The following HTR2C variants were observed in gnomAD, a reference collection of about 807,000 sequenced individuals.
HTR2C encodes 5-hydroxytryptamine receptor 2C.
In HTR2C, 5 loss-of-function variants were observed where a neutral mutation model predicts 21.0. The ratio of observed to expected loss-of-function variants is 0.24; its 90% CI spans 0.12 to 0.50. HTR2C has a LOEUF of 0.50. Among genes scored for constraint, HTR2C ranks in the 20% least tolerant of loss-of-function variants. The pLI, the probability that HTR2C is intolerant of heterozygous loss-of-function variation, is 0.98. For missense variants in HTR2C, 271 were observed against 371.2 expected, an observed-to-expected ratio of 0.73 and a Z score of 2.22; for synonymous variants, 150 against 145.3, an observed-to-expected ratio of 1.03 and a Z score of -0.23.
At chrX:114,738,602 A>C (rs1250349556) in intron 4 of HTR2C, among the ~76,000 whole-genome samples, 1 of 110,223 alleles carries the variant, frequency 9.1e-6, no homozygotes, top group Non-Finnish European at 1.9e-5. Flanking sequence ...ACACATGGAC[A>C]CAGGGAGGGG....
At chrX:114,655,298 C>T (rs1930740740) in intron 2 of HTR2C, among the ~76,000 whole-genome samples, 1 of 111,054 alleles carries the variant, frequency 9.0e-6, no homozygotes, top group South Asian at 3.7e-4. Flanking sequence ...TGGGATCAGA[C>T]CAAGTTACCA....
intron 2 of HTR2C, among the ~76,000 whole-genome samples, chrX:114,644,358 AATAAATATATAT>A (rs1190190163): frequency 6.1e-4 from 10 of 16,513 alleles, no homozygotes; most frequent in South Asian, 5.2e-3. Context: ...TAAATAAATA[AATAAATATATAT>A]ATATATATAT....
chrX:114,617,995 A>G (rs371529664), intron 2 of HTR2C, among the ~76,000 whole-genome samples: 1 of 112,124 alleles, frequency 8.9e-6, no homozygotes, highest in East Asian at 2.8e-4. Context: ...GCACAGGAAA[A>G]CCTGAACTTT....
intron 2 of HTR2C, among the ~76,000 whole-genome samples, chrX:114,646,480 T>G (rs1930364755): frequency 8.9e-6 from 1 of 112,544 alleles, no homozygotes; most frequent in African/African-American, 3.2e-5. Context: ...TTCTAAGATA[T>G]ATATGTTGCT....
intron 5 of HTR2C, among the ~76,000 whole-genome samples, chrX:114,903,389 C>T (rs1556485775): frequency 8.9e-6 from 1 of 112,474 alleles, no homozygotes; most frequent in Non-Finnish European, 1.9e-5. Flanking sequence ...TGAGATAATA[C>T]ATTCTACATC....
At position 114,731,382 on chromosome X, in the gene HTR2C, G is replaced by C. The variant is rs143566182; in HGVS notation, c.124G>C (p.Asp42His). The change falls in exon 4 of 6, where the codon GAT (aspartate) becomes CAT (histidine). Residue 42 changes from aspartate (D) to histidine (H), a missense_variant. By Grantham distance (81) the Asp-to-His change is moderately conservative. Coordinates refer to ENST00000276198, the MANE Select transcript of HTR2C (RefSeq NM_000868.4). ...AIVTDIFNTS[D>H]GGRFKFPDGV... is the part of the protein sequence containing the mutation. ...AGTAACTGACATTTTCAATACCTCC[G>C]ATGGTGGACGCTTCAAATTCCCAGA... is the stretch of plus-strand genomic sequence containing the variant. 1.5e-4 allele frequency: 180 copies of C among 1,202,185 alleles called. No homozygotes were observed. The African/African-American group carries it at 3.0e-3, about 20-fold the overall frequency.
chrX:114,665,203 A>G (rs1333313424), intron 2 of HTR2C, among the ~76,000 whole-genome samples: 3 of 111,933 alleles, frequency 2.7e-5, no homozygotes, highest in African/African-American at 9.7e-5. Context: ...CCTCCTTATT[A>G]CACTGACTCA....
At chrX:114,844,495 T>A (rs2070859607) in intron 4 of HTR2C, among the ~76,000 whole-genome samples, 1 of 111,894 alleles carries the variant, frequency 8.9e-6, no homozygotes, top group Non-Finnish European at 1.9e-5. Context: ...GATAAAATGG[T>A]GCAAGTGTCT....
intron 5 of HTR2C, 127 bp downstream of exon 5, chrX:114,848,330 A>C: frequency 2.3e-6 from 1 of 429,115 alleles, no homozygotes. Context: ...TTTATTTAGT[A>C]ATTATTCTTA....
At chrX:114,611,312 G>A (rs1388308409) in intron 1 of HTR2C, among the ~76,000 whole-genome samples, 4 of 111,481 alleles carry the variant, frequency 3.6e-5, no homozygotes, top group African/African-American at 1.3e-4. Flanking sequence ...TGGGAGCTTC[G>A]ACGGGCATAA....
At chrX:114,710,117 C>T (rs1415693362) in intron 2 of HTR2C, among the ~76,000 whole-genome samples, 1 of 111,529 alleles carries the variant, frequency 9.0e-6, no homozygotes, top group Non-Finnish European at 1.9e-5. Context: ...GGATCAGATT[C>T]CTTAACTATT....
chrX:114,813,111 T>A (rs1556453281), intron 4 of HTR2C, among the ~76,000 whole-genome samples: 1 of 111,953 alleles, frequency 8.9e-6, no homozygotes, highest in Non-Finnish European at 1.9e-5. Flanking sequence ...ACCCCCGCAA[T>A]AAAATCCTTA....
chrX:114,711,842 CTGTT>C (rs1425449724), intron 2 of HTR2C, among the ~76,000 whole-genome samples: 3 of 111,751 alleles, frequency 2.7e-5, no homozygotes, highest in Non-Finnish European at 3.8e-5. Context: ...TGGACATTAA[CTGTT>C]TGTGGATTTT....
At chrX:114,795,237 T>A (rs1475513207) in intron 4 of HTR2C, among the ~76,000 whole-genome samples, 1 of 111,731 alleles carries the variant, frequency 9.0e-6, no homozygotes, top group African/African-American at 3.3e-5. Context: ...TGTTTTTTTC[T>A]TGTAAATTTG....
chrX:114,653,620 A>G (rs188048370), intron 2 of HTR2C, among the ~76,000 whole-genome samples: 49 of 110,403 alleles, frequency 4.4e-4, no homozygotes, highest in African/African-American at 1.5e-3. Flanking sequence ...TATTATGTGC[A>G]TTCTCCTCCT....
At chrX:114,726,799 A>G (rs1309159558) in intron 2 of HTR2C, 59 bp from the exon 3 acceptor site, 9 of 439,302 alleles carry the variant, frequency 2.0e-5, no homozygotes, top group Non-Finnish European at 3.5e-5. Context: ...TTAATTGGTT[A>G]CTATGCAAGT....
intron 5 of HTR2C, among the ~76,000 whole-genome samples, chrX:114,897,424 T>G (rs2071304915): frequency 9.0e-6 from 1 of 111,161 alleles, no homozygotes; most frequent in Non-Finnish European, 1.9e-5. Flanking sequence ...TTATTTTAAG[T>G]TCAGGGATAC....
chrX:114,630,312 A>T (rs1352890702), intron 2 of HTR2C, among the ~76,000 whole-genome samples: 8 of 112,303 alleles, frequency 7.1e-5, no homozygotes, highest in African/African-American at 2.3e-4. Context: ...AACTAAAAAA[A>T]ATTCCAACAT....
intron 2 of HTR2C, among the ~76,000 whole-genome samples, chrX:114,659,672 A>G (rs1382558621): frequency 2.7e-5 from 3 of 111,037 alleles, no homozygotes; most frequent in Non-Finnish European, 5.7e-5. Flanking sequence ...TTCAGGAGAA[A>G]CAACAACTAA....
Sources: gnomAD v4.1 joint callset for allele counts (sites outside exome capture counted in the v4.1 genomes callset) on GRCh38, gnomAD v4.1.1 for gene constraint, MANE v1.5 for transcripts, NCBI Gene and HGNC (gene_info 2026-07-23, HGNC 2026-07-21) for gene names.